The following TENM3 variants were observed in gnomAD, a reference collection of about 807,000 sequenced individuals.
TENM3 encodes the protein teneurin transmembrane protein 3, also known as teneurin-3.
In TENM3, 63 loss-of-function variants were observed where a neutral mutation model predicts 255.1. The observed-to-expected ratio is 0.25, with a 90% CI of 0.20 to 0.30. The LOEUF (loss-of-function observed/expected upper bound fraction) is 0.30. Among genes scored for constraint, TENM3 ranks in the 10% least tolerant of loss-of-function variants. The probability of loss-of-function intolerance (pLI) is 1.00; values close to 1 mark genes in which losing one functional copy is unlikely to be tolerated. For synonymous variants in TENM3, 1,306 were observed against 1,322.3 expected, an observed-to-expected ratio of 0.99 and a Z score of 0.27; for missense variants, 2,929 against 3,461.1, an observed-to-expected ratio of 0.85 and a Z score of 3.86.
chr4:182,699,294 A>G (rs1757667994), intron 12 of TENM3, among the ~76,000 whole-genome samples: 1 of 152,234 alleles, frequency 6.6e-6, no homozygotes, highest in Admixed American at 6.5e-5. Flanking sequence ...GGAGCAATAC[A>G]TAAGCAACTT....
At chr4:182,246,329 A>G (rs1238186689) in intron 1 of TENM3, among the ~76,000 whole-genome samples, 1 of 152,084 alleles carries the variant, frequency 6.6e-6, no homozygotes, top group Non-Finnish European at 1.5e-5. Context: ...GCGCTTATGA[A>G]TGAGATTCGC....
At chr4:181,617,870 A>G in the TENM3 span, among the ~76,000 whole-genome samples, 1 of 152,232 alleles carries the variant, frequency 6.6e-6, no homozygotes, top group Non-Finnish European at 1.5e-5. Flanking sequence ...AGACAGATAC[A>G]TCAGAAAATG....
intron 1 of TENM3, among the ~76,000 whole-genome samples, chr4:182,196,073 T>C (rs891860529): frequency 6.6e-6 from 1 of 152,156 alleles, no homozygotes; most frequent in African/African-American, 2.4e-5. Flanking sequence ...TGGGCTGTTT[T>C]TCCCTAGTGT....
the TENM3 span, among the ~76,000 whole-genome samples, chr4:181,757,004 CTG>C: frequency 6.6e-6 from 1 of 152,290 alleles, no homozygotes; most frequent in Non-Finnish European, 1.5e-5. Context: ...GAAACCCTGT[CTG>C]TGTGTGAAAT....
At chr4:182,260,313 A>G (rs966215840) in intron 1 of TENM3, among the ~76,000 whole-genome samples, 2 of 152,192 alleles carry the variant, frequency 1.3e-5, no homozygotes, top group Non-Finnish European at 2.9e-5. Context: ...AGGAACCTCC[A>G]TATAGTTTTC....
chr4:182,217,272 C>T (rs1435296550), intron 1 of TENM3, among the ~76,000 whole-genome samples: 2 of 152,040 alleles, frequency 1.3e-5, no homozygotes, highest in African/African-American at 4.8e-5. Context: ...CCACCCACCT[C>T]GGCTTCCCAA....
chr4:182,468,331 G>A (rs962748065), intron 3 of TENM3, among the ~76,000 whole-genome samples: 2 of 152,122 alleles, frequency 1.3e-5, no homozygotes, highest in Admixed American at 1.3e-4. Context: ...TCAGATTTCC[G>A]CTGTGGGTGG....
the TENM3 span, among the ~76,000 whole-genome samples, chr4:181,668,685 C>T: frequency 6.6e-6 from 1 of 152,180 alleles, no homozygotes; most frequent in African/African-American, 2.4e-5. Flanking sequence ...CCTGCAACAA[C>T]CTTACTTGCA....
chr4:182,506,661 C>G (rs933107109), intron 3 of TENM3, among the ~76,000 whole-genome samples: 2 of 151,938 alleles, frequency 1.3e-5, no homozygotes, highest in Non-Finnish European at 2.9e-5. Flanking sequence ...ACATGTACTC[C>G]AAATATATTT....
chr4:181,546,468 C>A, the TENM3 span, among the ~76,000 whole-genome samples: 2 of 151,112 alleles, frequency 1.3e-5, no homozygotes, highest in African/African-American at 4.9e-5. Flanking sequence ...GTAATCCCAG[C>A]ACTTTGGGAG....
At chr4:181,902,411 T>TCAA in the TENM3 span, among the ~76,000 whole-genome samples, 1 of 152,170 alleles carries the variant, frequency 6.6e-6, no homozygotes, top group Non-Finnish European at 1.5e-5. Flanking sequence ...TTTGGTGTTT[T>TCAA]AGTCAGGAAG....
At chr4:181,916,110 A>G in the TENM3 span, among the ~76,000 whole-genome samples, 12 of 151,214 alleles carry the variant, frequency 7.9e-5, no homozygotes, top group Non-Finnish European at 1.5e-4. Context: ...GGGGTTTAAC[A>G]TATTCTGCTC....
chr4:182,295,361 G>C (rs192049240), intron 1 of TENM3, among the ~76,000 whole-genome samples: 2 of 138,556 alleles, frequency 1.4e-5, no homozygotes, highest in African/African-American at 5.4e-5. Context: ...CCTGCCTCCC[G>C]AGTTCAAGTG....
chr4:181,868,895 C>T, the TENM3 span, among the ~76,000 whole-genome samples: 2 of 151,950 alleles, frequency 1.3e-5, no homozygotes, highest in South Asian at 2.1e-4. Context: ...TTCCAACAGC[C>T]TCTTGATTCC....
At chr4:182,640,956 C>G (rs886573053) in intron 5 of TENM3, among the ~76,000 whole-genome samples, 1 of 152,160 alleles carries the variant, frequency 6.6e-6, no homozygotes, top group Non-Finnish European at 1.5e-5. Flanking sequence ...GTCCAAATAA[C>G]CCTTACCTAC....
At chr4:182,016,092 A>G in the TENM3 span, among the ~76,000 whole-genome samples, 60 of 152,254 alleles carry the variant, frequency 3.9e-4, 1 homozygote, top group African/African-American at 1.3e-3. Context: ...TGATGACTCA[A>G]CTTAATGTGG....
At chr4:182,428,396 C>T (rs1771387479) in intron 3 of TENM3, among the ~76,000 whole-genome samples, 1 of 152,034 alleles carries the variant, frequency 6.6e-6, no homozygotes, top group South Asian at 2.1e-4. Context: ...GTCTAGTTCC[C>T]ATGTGCTTTG....
chr4:182,201,272 G>GT (rs1165941091), intron 1 of TENM3, among the ~76,000 whole-genome samples: 2 of 152,096 alleles, frequency 1.3e-5, no homozygotes, highest in Admixed American at 6.6e-5. Context: ...TCATTTTAAT[G>GT]TTTTTTTCTT....
At chr4:181,462,043 T>A in the TENM3 span, among the ~76,000 whole-genome samples, 1 of 152,204 alleles carries the variant, frequency 6.6e-6, no homozygotes, top group Non-Finnish European at 1.5e-5. Flanking sequence ...TTGGAATGGA[T>A]TTGACCGATT....
Sources: allele counts gnomAD v4.1 joint callset (sites outside exome capture counted in the v4.1 genomes callset), GRCh38; gene constraint gnomAD v4.1.1; transcripts MANE v1.5; gene names NCBI Gene and HGNC (gene_info 2026-07-23, HGNC 2026-07-21).